The following NFIB variants were observed in gnomAD, a reference collection of about 807,000 sequenced individuals.
The protein encoded by NFIB is nuclear factor 1 B-type.
A neutral mutation model predicts 61.5 loss-of-function variants in NFIB; 11 were observed. That is an observed-to-expected ratio of 0.18 (90% CI 0.11 to 0.30). NFIB has a LOEUF of 0.30. NFIB is among the 10% of genes least tolerant of loss of function. The pLI, the probability that NFIB is intolerant of heterozygous loss-of-function variation, is 1.00. For synonymous variants in NFIB, 260 were observed against 216.5 expected (o/e 1.20, Z -1.76); for missense variants, 471 against 608.9 (o/e 0.77, Z 2.38).
At chr9:14,095,418 C>T (rs1292231749) in intron 10 of NFIB, among the ~76,000 whole-genome samples, 1 of 152,006 alleles carries the variant, frequency 6.6e-6, no homozygotes, top group Admixed American at 6.6e-5. Context: ...TATCTCCTCC[C>T]ACAGACCACA....
chr9:14,182,377 G>A (rs1165793328), intron 2 of NFIB, among the ~76,000 whole-genome samples: 1 of 152,126 alleles, frequency 6.6e-6, no homozygotes, highest in Non-Finnish European at 1.5e-5. Flanking sequence ...AAACATAGGA[G>A]AGGGCCCTCT....
At chr9:14,148,470 T>G (rs1204598576) in intron 5 of NFIB, among the ~76,000 whole-genome samples, 1 of 152,184 alleles carries the variant, frequency 6.6e-6, no homozygotes, top group Non-Finnish European at 1.5e-5. Flanking sequence ...TGGTAAAACC[T>G]TTTTAAAAAT....
At chr9:14,496,026 TTGTGAGATATAA>T in the NFIB span, among the ~76,000 whole-genome samples, 6 of 152,242 alleles carry the variant, frequency 3.9e-5, no homozygotes, top group Non-Finnish European at 8.8e-5. Flanking sequence ...CATAGGGCTG[TTGTGAGATATAA>T]ATGAGACTAT....
chr9:14,441,318 T>A, the NFIB span, among the ~76,000 whole-genome samples: 2 of 152,204 alleles, frequency 1.3e-5, no homozygotes, highest in African/African-American at 4.8e-5. Flanking sequence ...TTCTCCAAAC[T>A]GTTATTTAAA....
At chr9:14,218,046 T>C (rs2051159467) in intron 2 of NFIB, among the ~76,000 whole-genome samples, 1 of 152,036 alleles carries the variant, frequency 6.6e-6, no homozygotes, top group Non-Finnish European at 1.5e-5. Flanking sequence ...TTGCTGGGAG[T>C]TCCTGTATTA....
At position 14,086,655 on chromosome 9, in the gene NFIB, C is replaced by G. The variant is rs191931621; in HGVS notation, c.*1654G>C. 29 of 217,522 alleles carry G rather than the reference C, an allele frequency of 1.3e-4. No individual in the cohort carries two copies. The highest frequency in any genetic ancestry group is 1.4e-3 in the Middle Eastern group (1 of 702). 13.5% of individuals were successfully genotyped at this position (217,522 alleles called of 1,614,324 possible). A position where few individuals can be genotyped will look rare whatever the true frequency, so the allele number is the denominator to read the frequency against. ...ATAAAGGTATAACTGTCTAAAAAATCCATGATGTCACACATTTTTCTTCGT... is the reference window on the plus strand; with the variant it reads ...ATAAAGGTATAACTGTCTAAAAAATGCATGATGTCACACATTTTTCTTCGT... On this transcript the variant is annotated 3_prime_UTR_variant, in exon 11 of 11. Transcript: ENST00000380953.
intron 2 of NFIB, among the ~76,000 whole-genome samples, chr9:14,303,648 A>C (rs1184653585): frequency 6.6e-6 from 1 of 152,220 alleles, no homozygotes; most frequent in East Asian, 1.9e-4. Flanking sequence ...TGCCCACTGC[A>C]ATGCGGATGC....
intron 2 of NFIB, among the ~76,000 whole-genome samples, chr9:14,287,423 C>G (rs1053560866): frequency 1.3e-5 from 2 of 149,404 alleles, no homozygotes; most frequent in Admixed American, 1.3e-4. Flanking sequence ...ACCGAGACTC[C>G]GTCAAAAAAA....
the NFIB span, among the ~76,000 whole-genome samples, chr9:14,497,306 C>A: frequency 1.3e-5 from 2 of 152,060 alleles, no homozygotes; most frequent in Non-Finnish European, 2.9e-5. Flanking sequence ...GGGACAGGTG[C>A]CAAGGGGGCT....
chr9:14,282,209 T>C (rs1350261108), intron 2 of NFIB, among the ~76,000 whole-genome samples: 1 of 152,182 alleles, frequency 6.6e-6, no homozygotes, highest in East Asian at 1.9e-4. Context: ...TCAGTAACCA[T>C]TCAACTATTT....
intron 2 of NFIB, among the ~76,000 whole-genome samples, chr9:14,262,782 ATTTG>A (rs138650766): frequency 0.019 from 2,895 of 151,944 alleles, 66 homozygotes; most frequent in African/African-American, 0.064. Context: ...TTTTTTGTTT[ATTTG>A]TTTGTTTGTT....
upstream of NFIB, chr9:14,314,218 G>A (rs1564002556): frequency 2.3e-6 from 2 of 855,310 alleles, no homozygotes; most frequent in East Asian, 7.4e-5. Flanking sequence ...AGAGGCCGGG[G>A]TGAGGGAGGG....
At chr9:14,498,792 TC>T in the NFIB span, among the ~76,000 whole-genome samples, 4 of 23,280 alleles carry the variant, frequency 1.7e-4, no homozygotes, top group South Asian at 1.7e-3. Context: ...CCTCCCTCCC[TC>T]CCTCCCTTCC....
At position 14,086,411 on chromosome 9, in the gene NFIB, A is replaced by G. The variant is rs966030996; in HGVS notation, c.*1898T>C. The G allele has an allele frequency of 4.6e-6, 1 of 219,128 alleles. No individual in the cohort carries two copies. The highest frequency in any genetic ancestry group is 2.2e-5 in the African/African-American group (1 of 44,708). 13.6% of individuals were successfully genotyped at this position (219,128 alleles called of 1,614,324 possible). ...TTTTTTTAAATCTGTGTACTTACCT[A>G]TAATAACCAATACAGCTAAAAGCAC... On this transcript the variant is annotated 3_prime_UTR_variant, in exon 11 of 11. Coordinates refer to ENST00000380953, the MANE Select transcript of NFIB (RefSeq NM_001190737.2).
At chr9:14,452,981 AT>A in the NFIB span, among the ~76,000 whole-genome samples, 30 of 152,292 alleles carry the variant, frequency 2.0e-4, 1 homozygote, top group East Asian at 2.9e-3. Flanking sequence ...TTGGAATGTG[AT>A]TTGTCTTTTT....
intron 2 of NFIB, among the ~76,000 whole-genome samples, chr9:14,192,018 T>C (rs12351166): frequency 0.05 from 7,667 of 152,232 alleles, 578 homozygotes; most frequent in African/African-American, 0.17. Flanking sequence ...AGTTGAACTT[T>C]TCCTTGTCCA....
the NFIB span, among the ~76,000 whole-genome samples, chr9:14,493,247 G>C: frequency 6.6e-6 from 1 of 152,124 alleles, no homozygotes; most frequent in Non-Finnish European, 1.5e-5. Flanking sequence ...CCATGTTCAG[G>C]AGATATTGTC....
chr9:14,444,190 A>G, the NFIB span, among the ~76,000 whole-genome samples: 1 of 152,248 alleles, frequency 6.6e-6, no homozygotes. Flanking sequence ...TACATGAACC[A>G]GGAACTCACA....
At chr9:14,355,378 G>T (rs921035813) in intron 1 of NFIB, among the ~76,000 whole-genome samples, 1 of 152,118 alleles carries the variant, frequency 6.6e-6, no homozygotes, top group African/African-American at 2.4e-5. Flanking sequence ...CTTGATCTCA[G>T]ACTTGAGCCC....
Sources: gnomAD v4.1 joint callset for allele counts (sites outside exome capture counted in the v4.1 genomes callset) on GRCh38, gnomAD v4.1.1 for gene constraint, MANE v1.5 for transcripts, NCBI Gene and HGNC (gene_info 2026-07-23, HGNC 2026-07-21) for gene names.